The following NKAIN2 variants were observed in gnomAD, a reference collection of about 807,000 sequenced individuals.
The protein encoded by NKAIN2 is sodium/potassium transporting ATPase interacting 2.
NKAIN2 carries 14 observed loss-of-function variants against 32.6 expected under a neutral mutation model. The ratio of observed to expected loss-of-function variants is 0.43; its 90% CI spans 0.28 to 0.67. NKAIN2 has a LOEUF of 0.67. Among genes scored for constraint, NKAIN2 ranks in the 30% least tolerant of loss-of-function variants. The pLI is 0.17. For missense variants in NKAIN2, 198 were observed against 258.3 expected, an observed-to-expected ratio of 0.77 and a Z score of 1.60; for synonymous variants, 80 against 87.2, an observed-to-expected ratio of 0.92 and a Z score of 0.46.
chr6:124,464,430 T>G (rs145351869), intron 3 of NKAIN2, among the ~76,000 whole-genome samples: 53 of 150,426 alleles, frequency 3.5e-4, no homozygotes, highest in Admixed American at 1.7e-3. Flanking sequence ...ATTATAAGCT[T>G]TTTTTTTTTC....
chr6:124,074,915 C>T (rs1461682795), intron 1 of NKAIN2, among the ~76,000 whole-genome samples: 2 of 152,234 alleles, frequency 1.3e-5, no homozygotes, highest in South Asian at 2.1e-4. Flanking sequence ...TCCTTGAGAA[C>T]AAAATCTATT....
chr6:124,680,554 T>C (rs1773569489), intron 4 of NKAIN2, among the ~76,000 whole-genome samples: 1 of 152,136 alleles, frequency 6.6e-6, no homozygotes, highest in Admixed American at 6.6e-5. Flanking sequence ...TCTTAGATTT[T>C]ATGTCTTAGT....
At chr6:124,187,571 C>T (rs1331457723) in intron 1 of NKAIN2, among the ~76,000 whole-genome samples, 1 of 152,144 alleles carries the variant, frequency 6.6e-6, no homozygotes, top group Non-Finnish European at 1.5e-5. Flanking sequence ...AGGTAGGGCA[C>T]AAGAAACTGC....
intron 1 of NKAIN2, among the ~76,000 whole-genome samples, chr6:124,160,471 G>T (rs802273): frequency 0.77 from 116,996 of 152,042 alleles, 46,980 homozygotes; most frequent in Non-Finnish European, 0.88. Context: ...GCTACATACT[G>T]TATGTATATA....
At chr6:124,146,644 T>TTA (rs1363386902) in intron 1 of NKAIN2, among the ~76,000 whole-genome samples, 1 of 152,186 alleles carries the variant, frequency 6.6e-6, no homozygotes, top group Non-Finnish European at 1.5e-5. Context: ...ATAACCTGTG[T>TTA]TATATTCACA....
At chr6:124,539,209 TTA>T (rs3053622) in intron 3 of NKAIN2, among the ~76,000 whole-genome samples, 130,860 of 152,068 alleles carry the variant, frequency 0.86, 58,785 homozygotes, top group Non-Finnish European at 1. Flanking sequence ...AGTTTAGAGG[TTA>T]TATGTAGTTC....
At chr6:124,315,112 A>T (rs868841189) in intron 2 of NKAIN2, among the ~76,000 whole-genome samples, 31 of 152,254 alleles carry the variant, frequency 2.0e-4, no homozygotes, top group African/African-American at 7.5e-4. Context: ...ATTAATGATG[A>T]TTCCTAGAAC....
chr6:124,474,236 T>C (rs567824360), intron 3 of NKAIN2, among the ~76,000 whole-genome samples: 274 of 152,226 alleles, frequency 1.8e-3, no homozygotes, highest in African/African-American at 6.4e-3. Context: ...CTGCCAAATT[T>C]CATCATCTTA....
chr6:124,784,416 C>G (rs886999057), intron 4 of NKAIN2, among the ~76,000 whole-genome samples: 1 of 152,148 alleles, frequency 6.6e-6, no homozygotes, highest in Non-Finnish European at 1.5e-5. Context: ...TGGAAACCAC[C>G]AACCTGTTCT....
chr6:124,430,739 G>A (rs905446132), intron 3 of NKAIN2, among the ~76,000 whole-genome samples: 7 of 152,012 alleles, frequency 4.6e-5, no homozygotes, highest in Admixed American at 2.6e-4. Flanking sequence ...TTTCCACCAC[G>A]TGTATTCCTT....
At chr6:124,044,174 A>G (rs1434532955) in intron 1 of NKAIN2, among the ~76,000 whole-genome samples, 1 of 152,058 alleles carries the variant, frequency 6.6e-6, no homozygotes, top group African/African-American at 2.4e-5. Flanking sequence ...TCCACTCACC[A>G]TTATTATGTA....
At chr6:124,422,879 G>A (rs1190304783) in intron 3 of NKAIN2, among the ~76,000 whole-genome samples, 4 of 152,130 alleles carry the variant, frequency 2.6e-5, no homozygotes, top group Non-Finnish European at 5.9e-5. Flanking sequence ...CAGTATTTGC[G>A]ATGAGTTCCT....
chr6:124,638,866 G>A (rs1428816404), intron 3 of NKAIN2, among the ~76,000 whole-genome samples: 4 of 145,614 alleles, frequency 2.7e-5, no homozygotes, highest in East Asian at 2.0e-4. Flanking sequence ...ACTCCAGCCT[G>A]GGGGCAGAGT....
At chr6:124,379,723 C>T (rs1772540666) in intron 3 of NKAIN2, among the ~76,000 whole-genome samples, 2 of 152,102 alleles carry the variant, frequency 1.3e-5, no homozygotes, top group South Asian at 4.1e-4. Flanking sequence ...CTTGAAAAAT[C>T]CATCAAGAGT....
At chr6:123,987,461 T>C (rs535276809) in intron 1 of NKAIN2, among the ~76,000 whole-genome samples, 6 of 152,312 alleles carry the variant, frequency 3.9e-5, no homozygotes, top group African/African-American at 1.4e-4. Flanking sequence ...TACCTGTTTA[T>C]TAGGTTGCAG....
chr6:124,591,307 T>C (rs1044761411), intron 3 of NKAIN2, among the ~76,000 whole-genome samples: 2 of 152,140 alleles, frequency 1.3e-5, no homozygotes, highest in Admixed American at 1.3e-4. Flanking sequence ...GAAATGTACA[T>C]GTGATAGACA....
At chr6:123,952,261 C>T (rs1346376133) in intron 1 of NKAIN2, among the ~76,000 whole-genome samples, 1 of 152,076 alleles carries the variant, frequency 6.6e-6, no homozygotes, top group African/African-American at 2.4e-5. Context: ...GAGAAATCCC[C>T]TGTTAGTCTG....
chr6:124,349,763 A>T (rs1442619385), intron 2 of NKAIN2, among the ~76,000 whole-genome samples: 1 of 152,204 alleles, frequency 6.6e-6, no homozygotes, highest in Non-Finnish European at 1.5e-5. Context: ...GCCTTTCATG[A>T]TTAACAGCCT....
At chr6:124,449,342 T>A (rs1368236479) in intron 3 of NKAIN2, among the ~76,000 whole-genome samples, 1 of 152,048 alleles carries the variant, frequency 6.6e-6, no homozygotes, top group Non-Finnish European at 1.5e-5. Context: ...TAAATAGGAA[T>A]GGACAGGCAT....
Sources: gnomAD v4.1 joint callset for allele counts (sites outside exome capture counted in the v4.1 genomes callset) on GRCh38, gnomAD v4.1.1 for gene constraint, MANE v1.5 for transcripts, NCBI Gene and HGNC (gene_info 2026-07-23, HGNC 2026-07-21) for gene names.